The following KIF13B variants were observed in gnomAD, a reference collection of about 807,000 sequenced individuals.
KIF13B encodes kinesin-like protein KIF13B.
Under a neutral mutation model 222.0 loss-of-function variants are expected in KIF13B, and 127 were observed. That is an observed-to-expected ratio of 0.57 (90% CI 0.50 to 0.66). The LOEUF (loss-of-function observed/expected upper bound fraction) is 0.66, where lower values mean the gene tolerates loss of function less well. KIF13B is among the 30% of genes least tolerant of loss of function. The pLI, the probability that KIF13B is intolerant of heterozygous loss-of-function variation, is 0.00. For synonymous variants in KIF13B, 976 were observed against 919.0 expected (o/e 1.06, Z -1.12); for missense variants, 2,173 against 2,379.0 (o/e 0.91, Z 1.80).
intron 2 of KIF13B, among the ~76,000 whole-genome samples, chr8:29,199,411 G>A (rs956011775): frequency 2.6e-5 from 4 of 152,090 alleles, no homozygotes; most frequent in African/African-American, 9.7e-5. Flanking sequence ...TTCAGGTTGT[G>A]AAGTGAACAT....
At chr8:29,081,562 C>T (rs765061068) in intron 37 of KIF13B, among the ~76,000 whole-genome samples, 1 of 152,200 alleles carries the variant, frequency 6.6e-6, no homozygotes, top group South Asian at 2.1e-4. Flanking sequence ...AAAATACACA[C>T]CTGATTTCAA....
intron 31 of KIF13B, among the ~76,000 whole-genome samples, chr8:29,115,527 T>C (rs1268392584): frequency 6.6e-6 from 1 of 152,040 alleles, no homozygotes; most frequent in Non-Finnish European, 1.5e-5. Flanking sequence ...GGTTTCTCCA[T>C]GTTGGTCAGG....
chr8:29,140,829 A>C, intron 19 of KIF13B: 2 of 474,834 alleles, frequency 4.2e-6, no homozygotes, highest in South Asian at 7.6e-5. Context: ...TTCACAATGG[A>C]GGTGAGCATC....
chr8:29,208,091 G>A (rs1447730116), intron 2 of KIF13B, among the ~76,000 whole-genome samples: 1 of 152,138 alleles, frequency 6.6e-6, no homozygotes, highest in Non-Finnish European at 1.5e-5. Context: ...TGAAAAGGAT[G>A]CTAAGCCATG....
At chr8:29,217,576 G>A (rs184792538) in intron 2 of KIF13B, among the ~76,000 whole-genome samples, 1 of 152,190 alleles carries the variant, frequency 6.6e-6, no homozygotes, top group Non-Finnish European at 1.5e-5. Context: ...ACTGATCCTT[G>A]TGATAATCTC....
At chr8:29,173,466 G>A (rs1420978836) in intron 10 of KIF13B, among the ~76,000 whole-genome samples, 16 of 140,422 alleles carry the variant, frequency 1.1e-4, no homozygotes, top group Non-Finnish European at 1.1e-4. Context: ...ACTAAAAATT[G>A]AAAAAAAAAA....
rs58488862 is a variant in KIF13B at position 29,222,515 on chromosome 8, C to CTTTTTTTTTTTTTTTTTTT, written c.149+22812_149+22830dup. Among the ~76,000 whole-genome samples, 3 of 60,568 alleles carry CTTTTTTTTTTTTTTTTTTT rather than the reference C, an allele frequency of 5.0e-5. 1 individual carries two copies. The highest frequency in any genetic ancestry group is 2.3e-4 in the African/African-American group (3 of 13,312). 39.7% of individuals were successfully genotyped at this position (60,568 alleles called of 152,430 possible). A position where few individuals can be genotyped will look rare whatever the true frequency, so the allele number is the denominator to read the frequency against. ...TCCTGAGCTCAAGTCCCACACCTGA[C>CTTTTTTTTTTTTTTTTTTT]TTTTTTTTTTTTTTTTTTTTTTTTT... On this transcript the variant is annotated intron_variant, in intron 2 of 39. Coordinates refer to ENST00000524189, the MANE Select transcript of KIF13B (RefSeq NM_015254.4).
At chr8:29,103,074 C>G (rs1808870627) in intron 35 of KIF13B, among the ~76,000 whole-genome samples, 1 of 151,958 alleles carries the variant, frequency 6.6e-6, no homozygotes, top group Non-Finnish European at 1.5e-5. Context: ...AACCCCGTCT[C>G]TACTAAAAAT....
intron 29 of KIF13B, among the ~76,000 whole-genome samples, chr8:29,119,559 C>A (rs1381455299): frequency 6.6e-6 from 1 of 152,162 alleles, no homozygotes; most frequent in Admixed American, 6.5e-5. Flanking sequence ...ACCATGCTGA[C>A]CAAAGTCCTG....
In KIF13B at chr8:29,235,202, C is replaced by T. The variant is rs1815454176; in HGVS notation, c.149+10144G>A. ...AAATAAAATACAACCAATGAAACAG[C>T]ATTGACACAAAAGATTGTCGTCAAA... is the stretch of plus-strand genomic sequence containing the variant. On this transcript the variant is annotated intron_variant, in intron 2 of 39. Transcript: ENST00000524189. Among the ~76,000 whole-genome samples, 11 of 152,238 alleles carry T rather than the reference C, an allele frequency of 7.2e-5. 1 individual carries two copies. In the South Asian group the frequency reaches 2.1e-3, roughly 29 times the overall value.
At chr8:29,091,795 G>A (rs942677738) in intron 37 of KIF13B, among the ~76,000 whole-genome samples, 1 of 152,190 alleles carries the variant, frequency 6.6e-6, no homozygotes, top group African/African-American at 2.4e-5. Context: ...CCCACCATGT[G>A]TCTAAATACA....
At chr8:29,138,167 T>C (rs576575184) in intron 21 of KIF13B, among the ~76,000 whole-genome samples, 5 of 152,074 alleles carry the variant, frequency 3.3e-5, no homozygotes, top group African/African-American at 4.8e-5. Flanking sequence ...CTGGCCAAGA[T>C]AGTGAAACCC....
chr8:29,070,884 C>A lies in KIF13B; in HGVS notation c.5219-118G>T. 1 of 1,091,488 alleles carries A rather than the reference C, an allele frequency of 9.2e-7. No individual in the cohort carries two copies. The highest frequency in any genetic ancestry group is 1.3e-6 in the Non-Finnish European group (1 of 755,166). 67.6% of individuals were successfully genotyped at this position (1,091,488 alleles called of 1,614,324 possible). A position where few individuals can be genotyped will look rare whatever the true frequency, so the allele number is the denominator to read the frequency against. On this transcript the variant is annotated intron_variant, in intron 39 of 39. Coordinates refer to ENST00000524189, the MANE Select transcript of KIF13B (RefSeq NM_015254.4). This position sits in a 1 kb window ranked among gnomAD's most constrained non-coding sequence, Gnocchi z 4.1. Reference sequence around the variant, plus strand: ...CTGCCACCCCCCCGCACAGGCCCTACACAGCCAGCACTCGGACACTGGCCA... The same window carrying A: ...CTGCCACCCCCCCGCACAGGCCCTAAACAGCCAGCACTCGGACACTGGCCA...
chr8:29,134,360 G>C, intron 21 of KIF13B, 150 bp from the exon 22 acceptor site: 1 of 681,430 alleles, frequency 1.5e-6, no homozygotes, highest in Non-Finnish European at 2.5e-6. Context: ...CTGGACTTCT[G>C]CATCTGGGAA....
At chr8:29,191,706 C>T (rs192066729) in intron 3 of KIF13B, among the ~76,000 whole-genome samples, 107 of 152,322 alleles carry the variant, frequency 7.0e-4, no homozygotes, top group African/African-American at 2.5e-3. Context: ...CACCTTATCA[C>T]CACTTTCTAG....
At chr8:29,262,514 CG>C (rs1409362295) in intron 1 of KIF13B, among the ~76,000 whole-genome samples, 4 of 151,886 alleles carry the variant, frequency 2.6e-5, no homozygotes, top group African/African-American at 4.8e-5. Flanking sequence ...TTGGGCGACC[CG>C]GGCGAGACGC....
chr8:29,148,443 G>T, intron 16 of KIF13B, 134 bp downstream of exon 16: 1 of 490,042 alleles, frequency 2.0e-6, no homozygotes, highest in Non-Finnish European at 3.5e-6. Flanking sequence ...ATGTTGCCCA[G>T]GCTAAAGAGC....
At chr8:29,126,404 T>G in intron 26 of KIF13B, 78 bp downstream of exon 26, 1 of 938,974 alleles carries the variant, frequency 1.1e-6, no homozygotes, top group South Asian at 1.5e-5. Context: ...TAAATAACAG[T>G]ATAGCCAGAT....
At chr8:29,104,741 TTTTTTTA>T (rs1448925471) in intron 35 of KIF13B, among the ~76,000 whole-genome samples, 4 of 152,152 alleles carry the variant, frequency 2.6e-5, no homozygotes, top group African/African-American at 7.2e-5. Flanking sequence ...TACTTTTTCT[TTTTTTTA>T]TTTTTTATTT....
Sources: allele counts gnomAD v4.1 joint callset (sites outside exome capture counted in the v4.1 genomes callset), GRCh38; gene constraint gnomAD v4.1.1; non-coding constraint Gnocchi (gnomAD v3.1); transcripts MANE v1.5; gene names NCBI Gene and HGNC (gene_info 2026-07-23, HGNC 2026-07-21).